SLC39A11: variants seen among roughly 807,000 people sequenced by gnomAD.
The protein encoded by SLC39A11 is solute carrier family 39 member 11, also known as zinc transporter ZIP11.
A neutral mutation model predicts 36.1 loss-of-function variants in SLC39A11; 33 were observed. That is an observed-to-expected ratio of 0.91 (90% CI 0.69 to 1.22). The LOEUF is 1.22. SLC39A11 is among the 50% of genes most tolerant of loss of function. The probability of loss-of-function intolerance (pLI) is 0.00; values close to 1 mark genes in which losing one functional copy is unlikely to be tolerated. For synonymous variants in SLC39A11, 166 were observed against 170.3 expected, an observed-to-expected ratio of 0.97 and a Z score of 0.20; for missense variants, 432 against 430.3, an observed-to-expected ratio of 1.00 and a Z score of -0.03.
At chr17:73,059,790 C>G (rs1168464291) in intron 3 of SLC39A11, among the ~76,000 whole-genome samples, 1 of 151,996 alleles carries the variant, frequency 6.6e-6, no homozygotes, top group Non-Finnish European at 1.5e-5. Context: ...AATTTTCACC[C>G]TAACGTAGAA....
chr17:72,905,231 A>G (rs902108879), intron 5 of SLC39A11, among the ~76,000 whole-genome samples: 6 of 148,496 alleles, frequency 4.0e-5, no homozygotes, highest in African/African-American at 1.5e-4. Flanking sequence ...CTGGAGAATG[A>G]CCAGTATGAA....
chr17:72,797,279 C>T (rs1391008084), intron 6 of SLC39A11, among the ~76,000 whole-genome samples: 2 of 152,048 alleles, frequency 1.3e-5, no homozygotes, highest in African/African-American at 2.4e-5. Flanking sequence ...GAATGCCAAC[C>T]CATCTATTCT....
Position 72,900,212 on chromosome 17 carries a change from A to AGAAAGAAAGAAAGAAAGAAG in SLC39A11, c.430+47539_430+47540insCTTCTTTCTTTCTTTCTTTC, listed in dbSNP as rs2082315959. On this transcript the variant is annotated intron_variant, in intron 5 of 9. Coordinates refer to ENST00000255559, the MANE Select transcript of SLC39A11 (RefSeq NM_139177.4). ...AAGAAAGAAAGAAAGAAAGAAAGAA[A>AGAAAGAAAGAAAGAAAGAAG]GAAAGAAAGAAAGAAAGAAAAAGAC... is the stretch of plus-strand genomic sequence containing the variant. 1.4e-4 allele frequency among the ~76,000 whole-genome samples: 15 copies of AGAAAGAAAGAAAGAAAGAAG among 103,466 alleles called. 7 individuals carry two copies. The highest frequency in any genetic ancestry group is 5.2e-4 in the African/African-American group (13 of 24,792). The allele number at this position is 103,466 out of a possible 152,430, so 67.9% of individuals were successfully genotyped here.
intron 7 of SLC39A11, among the ~76,000 whole-genome samples, chr17:72,699,243 TACACTA>T (rs2072489665): frequency 6.6e-6 from 1 of 152,206 alleles, no homozygotes; most frequent in Admixed American, 6.5e-5. Context: ...ACACATAAAA[TACACTA>T]ACACTAAGGC....
chr17:72,654,866 C>A (rs899386129), intron 7 of SLC39A11, among the ~76,000 whole-genome samples: 1 of 152,210 alleles, frequency 6.6e-6, no homozygotes, highest in African/African-American at 2.4e-5. Context: ...AAAGTCCTCG[C>A]CGTGACATAG....
intron 6 of SLC39A11, among the ~76,000 whole-genome samples, chr17:72,837,423 G>A (rs1307210438): frequency 6.7e-6 from 1 of 149,342 alleles, no homozygotes; most frequent in Non-Finnish European, 1.5e-5. Flanking sequence ...CATGGTAGGT[G>A]GGACAGAGAT....
At chr17:72,969,795 G>T (rs1433942993) in intron 4 of SLC39A11, among the ~76,000 whole-genome samples, 14 of 152,190 alleles carry the variant, frequency 9.2e-5, no homozygotes, top group African/African-American at 3.4e-4. Flanking sequence ...GAGCTTGTTG[G>T]TTTTCTCTTT....
intron 5 of SLC39A11, among the ~76,000 whole-genome samples, chr17:72,883,906 C>G (rs4598978): frequency 0.52 from 79,258 of 152,020 alleles, 22,594 homozygotes; most frequent in African/African-American, 0.75. Flanking sequence ...TGTAATCCCA[C>G]CACTTTGGGA....
At chr17:73,043,669 C>T (rs2059180184) in intron 3 of SLC39A11, among the ~76,000 whole-genome samples, 1 of 152,078 alleles carries the variant, frequency 6.6e-6, no homozygotes, top group Non-Finnish European at 1.5e-5. Context: ...GGGCTCTGGA[C>T]ATAATCCAGA....
chr17:72,816,987 G>A (rs1018543240), intron 6 of SLC39A11, among the ~76,000 whole-genome samples: 8 of 152,180 alleles, frequency 5.3e-5, no homozygotes, highest in Admixed American at 3.9e-4. Context: ...TACTTCCAGG[G>A]TGCTTGATAT....
At chr17:72,725,996 A>G (rs1487170099) in intron 7 of SLC39A11, among the ~76,000 whole-genome samples, 2 of 152,216 alleles carry the variant, frequency 1.3e-5, no homozygotes, top group Non-Finnish European at 2.9e-5. Flanking sequence ...CAAGTACCTT[A>G]GTGTCCTCAG....
intron 5 of SLC39A11, among the ~76,000 whole-genome samples, chr17:72,943,066 C>A (rs1455057985): frequency 6.6e-6 from 1 of 152,070 alleles, no homozygotes; most frequent in Non-Finnish European, 1.5e-5. Context: ...AGGGATGATT[C>A]CAAATACAAG....
At chr17:73,026,247 G>A (rs1368792516) in intron 4 of SLC39A11, among the ~76,000 whole-genome samples, 1 of 43,718 alleles carries the variant, frequency 2.3e-5, no homozygotes, top group East Asian at 1.5e-3. Flanking sequence ...GGAAAAGCCG[G>A]CTGTGGTGGC....
intron 5 of SLC39A11, among the ~76,000 whole-genome samples, chr17:72,915,718 C>T (rs1430197555): frequency 6.6e-6 from 1 of 152,222 alleles, no homozygotes; most frequent in Non-Finnish European, 1.5e-5. Context: ...CTGACAATAA[C>T]CACAAACCAG....
Position 72,775,727 on chromosome 17 carries a change from C to A in SLC39A11, c.602-39008G>T, listed in dbSNP as rs578231048. On this transcript the variant is annotated intron_variant, in intron 6 of 9. Coordinates refer to ENST00000255559, the MANE Select transcript of SLC39A11 (RefSeq NM_139177.4). Reference sequence around the variant, plus strand: ...CTCAAGGCCAGCCTCTGCCATAAGGCATGTTTCCTGCTCTACCTGGAAGGA... The same window carrying A: ...CTCAAGGCCAGCCTCTGCCATAAGGAATGTTTCCTGCTCTACCTGGAAGGA... Among the ~76,000 whole-genome samples, 34 of 152,292 alleles carry A rather than the reference C, an allele frequency of 2.2e-4. No homozygotes were observed. In the East Asian group the frequency reaches 4.6e-3, roughly 21 times the overall value.
At chr17:72,994,910 C>T (rs557200546) in intron 4 of SLC39A11, among the ~76,000 whole-genome samples, 10 of 152,180 alleles carry the variant, frequency 6.6e-5, no homozygotes, top group East Asian at 3.9e-4. Flanking sequence ...ACATATTACC[C>T]GACAAAGCAT....
At chr17:72,845,505 C>T (rs2079009718) in intron 6 of SLC39A11, among the ~76,000 whole-genome samples, 1 of 152,190 alleles carries the variant, frequency 6.6e-6, no homozygotes. Flanking sequence ...TCCCTACCTA[C>T]TCTATTTAAA....
At chr17:72,988,594 C>G (rs1262680920) in intron 4 of SLC39A11, among the ~76,000 whole-genome samples, 2 of 152,026 alleles carry the variant, frequency 1.3e-5, no homozygotes, top group African/African-American at 4.8e-5. Flanking sequence ...TGTTGCAAAT[C>G]TGAAACTCGG....
chr17:72,911,805 G>A (rs71380143), intron 5 of SLC39A11, among the ~76,000 whole-genome samples: 36,321 of 151,920 alleles, frequency 0.24, 4,852 homozygotes, highest in Non-Finnish European at 0.32. Flanking sequence ...CACCATGTCC[G>A]GTTAATTTTT....
Sources: allele counts gnomAD v4.1 joint callset (sites outside exome capture counted in the v4.1 genomes callset), GRCh38; gene constraint gnomAD v4.1.1; transcripts MANE v1.5; gene names NCBI Gene and HGNC (gene_info 2026-07-23, HGNC 2026-07-21).